Variants in PDXK observed in about 807,000 individuals in gnomAD.
The protein encoded by PDXK is epididymis secretory sperm binding protein Li 1a.
Under a neutral mutation model 43.2 loss-of-function variants are expected in PDXK, and 15 were observed. That is an observed-to-expected ratio of 0.35 (90% CI 0.23 to 0.53). PDXK has a LOEUF of 0.53. Among genes scored for constraint, PDXK ranks in the 20% least tolerant of loss-of-function variants. PDXK has a pLI of 0.92. For synonymous variants in PDXK, 172 were observed against 165.4 expected (o/e 1.04, Z -0.31); for missense variants, 343 against 417.0 (o/e 0.82, Z 1.54).
chr21:43,758,545 T>C lies in PDXK; in HGVS notation c.*2482T>C, dbSNP rs2083888209. On this transcript the variant is annotated 3_prime_UTR_variant, in exon 11 of 11. Transcript: ENST00000291565. The stretch of plus-strand genomic sequence containing the variant: ...TCCACGGCCCGTTTCCACCCGGGCA[T>C]GTTCGTCTCTCCTGACTTCGGCAGA... The C allele has an allele frequency of 1.3e-5, 2 of 153,600 alleles. No homozygotes were observed. The highest frequency in any genetic ancestry group is 4.8e-5 in the African/African-American group (2 of 41,420). The allele number at this position is 153,600 out of a possible 1,614,324, so 9.5% of individuals were successfully genotyped here. A position where few individuals can be genotyped will look rare whatever the true frequency, so the allele number is the denominator to read the frequency against.
chr21:43,751,414 T>C (rs1331869120), intron 7 of PDXK, among the ~76,000 whole-genome samples: 1 of 152,048 alleles, frequency 6.6e-6, no homozygotes, highest in Non-Finnish European at 1.5e-5. Context: ...CTGGGCATGG[T>C]GGTGCACGCC....
In PDXK at chr21:43,732,432, A is replaced by G. The variant is rs1025664161; in HGVS notation, c.88-1637A>G. The G allele has an allele frequency of 1.2e-6, 2 of 1,612,750 alleles. No individual in the cohort carries two copies. The highest frequency in any genetic ancestry group is 2.2e-5 in the East Asian group (1 of 44,874). On this transcript the variant is annotated intron_variant, in intron 1 of 10. Coordinates refer to ENST00000291565, the MANE Select transcript of PDXK (RefSeq NM_003681.5). This position sits in a 1 kb window ranked among gnomAD's most constrained non-coding sequence, Gnocchi z 4.1. Reference sequence around the variant, plus strand: ...GCTTGCGATGCTGATGAATAAGCTGATTTTGATGGGGTGTGTGAAACGGAG... The same window carrying G: ...GCTTGCGATGCTGATGAATAAGCTGGTTTTGATGGGGTGTGTGAAACGGAG...
intron 2 of PDXK, among the ~76,000 whole-genome samples, chr21:43,740,450 T>C (rs916628769): frequency 6.6e-6 from 1 of 152,062 alleles, no homozygotes; most frequent in African/African-American, 2.4e-5. Flanking sequence ...GAAAAAGGCA[T>C]GCATTAGAGG....
chr21:43,748,836 G>T (rs569304807), intron 5 of PDXK, among the ~76,000 whole-genome samples, 159 bp from the exon 6 acceptor site: 1 of 152,232 alleles, frequency 6.6e-6, no homozygotes, highest in African/African-American at 2.4e-5. Context: ...TGTCCCCGTG[G>T]TGGGAACAAC....
Position 43,732,070 on chromosome 21 carries a change from C to T in PDXK, c.88-1999C>T, listed in dbSNP as rs1192326340. On this transcript the variant is annotated intron_variant, in intron 1 of 10. Transcript: ENST00000291565. This position sits in a 1 kb window ranked among gnomAD's most constrained non-coding sequence, Gnocchi z 4.1. Reference sequence around the variant, plus strand: ...CTATGGGAAGGGACGGTCACTACCGCTGCCCCTGTGGGGAGAAGAGCCCCG... The same window carrying T: ...CTATGGGAAGGGACGGTCACTACCGTTGCCCCTGTGGGGAGAAGAGCCCCG... The T allele has an allele frequency of 5.1e-6, 5 of 977,396 alleles. No homozygotes were observed. The highest frequency in any genetic ancestry group is 6.5e-6 in the Non-Finnish European group (5 of 768,512). 60.5% of individuals were successfully genotyped at this position (977,396 alleles called of 1,614,324 possible).
rs373564479 is a variant in PDXK at position 43,732,412 on chromosome 21, C to A, written c.88-1657C>A. The A allele has an allele frequency of 5.6e-6, 9 of 1,612,744 alleles. 1 individual carries two copies. Among genetic ancestry groups the A allele is most frequent in the Admixed American group, 3.3e-5 (2 of 60,006 alleles). On this transcript the variant is annotated intron_variant, in intron 1 of 10. Coordinates refer to ENST00000291565, the MANE Select transcript of PDXK (RefSeq NM_003681.5). The surrounding 1 kb of genome is among the most constrained non-coding windows in gnomAD (Gnocchi z 4.1). ...CTCTGGAAGCGTCCAGACCAGCTTGCGATGCTGATGAATAAGCTGATTTTG... is the reference window on the plus strand; with the variant it reads ...CTCTGGAAGCGTCCAGACCAGCTTGAGATGCTGATGAATAAGCTGATTTTG...
rs2083366171 is a variant in PDXK at position 43,734,160 on chromosome 21, CTG to C, written c.142+40_142+41del. 6.3e-7 allele frequency: 1 copy of C among 1,589,188 alleles called. No homozygotes were observed. The highest frequency in any genetic ancestry group is 8.6e-7 in the Non-Finnish European group (1 of 1,159,232). On this transcript the variant is annotated intron_variant, in intron 2 of 10. Coordinates refer to ENST00000291565, the MANE Select transcript of PDXK (RefSeq NM_003681.5). The surrounding 1 kb of genome is among the most constrained non-coding windows in gnomAD (Gnocchi z 5.0). ...GCTCCAGCAGCTGGCATAGAGCAGA[CTG>C]TGGGTGTGAGGGACGGGGCGGAGTG...
Position 43,760,020 on chromosome 21 carries a change from C to A in PDXK, c.*3957C>A, listed in dbSNP as rs2083908292. 1 of 152,812 alleles carries A rather than the reference C, an allele frequency of 6.5e-6. No individual in the cohort carries two copies. The highest frequency in any genetic ancestry group is 6.6e-5 in the Admixed American group (1 of 15,186). The allele number at this position is 152,812 out of a possible 1,614,324, so 9.5% of individuals were successfully genotyped here. On this transcript the variant is annotated 3_prime_UTR_variant, in exon 11 of 11. Transcript: ENST00000291565. ...CCTGGCGGGTCTGGGTGGACACCGT[C>A]CCCACTCCGGACTCCCAGCACAGGG...
intron 9 of PDXK, 115 bp from the exon 10 acceptor site, chr21:43,755,583 G>C (rs1253807499): frequency 1.2e-5 from 11 of 885,364 alleles, no homozygotes; most frequent in East Asian, 4.8e-5. Context: ...CGGCTCCCCG[G>C]TGGCTCGGAG....
intron 1 of PDXK, among the ~76,000 whole-genome samples, chr21:43,722,268 G>C (rs1179773723): frequency 6.6e-6 from 1 of 152,188 alleles, no homozygotes; most frequent in African/African-American, 2.4e-5. Flanking sequence ...CCAGGGCTGG[G>C]AGGTTTGGCT....
chr21:43,731,024 A>G (rs918805790), intron 1 of PDXK, among the ~76,000 whole-genome samples: 7 of 152,064 alleles, frequency 4.6e-5, no homozygotes, highest in African/African-American at 1.7e-4. Context: ...TAGAGATGGA[A>G]TCTTGCTATG....
chr21:43,740,136 C>T (rs2083469982), intron 2 of PDXK, among the ~76,000 whole-genome samples: 1 of 152,082 alleles, frequency 6.6e-6, no homozygotes, highest in African/African-American at 2.4e-5. Flanking sequence ...GTGCACCCCC[C>T]AGATGCCGCA....
rs190786061 is a variant in PDXK, at chr21:43,756,318, G to A, written c.*255G>A. ...AAGGCTCCTGGGCCTCCGGGAAGACGGGCCCCTGTTTGCCATCTCGGGGGT... is the reference window on the plus strand; with the variant it reads ...AAGGCTCCTGGGCCTCCGGGAAGACAGGCCCCTGTTTGCCATCTCGGGGGT... On this transcript the variant is annotated 3_prime_UTR_variant, in exon 11 of 11. Coordinates refer to ENST00000291565, the MANE Select transcript of PDXK (RefSeq NM_003681.5). The A allele has an allele frequency of 3.2e-4, 119 of 374,048 alleles. 3 individuals are homozygous for A. In the Admixed American group the frequency reaches 3.5e-3, roughly 11 times the overall value. 23.2% of individuals were successfully genotyped at this position (374,048 alleles called of 1,614,324 possible).
At chr21:43,738,935 CTTTT>C (rs35979481) in intron 2 of PDXK, 2 of 137,920 alleles carry the variant, frequency 1.5e-5, no homozygotes, top group Admixed American at 7.4e-5. Context: ...TTTTCTTTTT[CTTTT>C]TTTTTTTTTT....
Position 43,732,396 on chromosome 21 carries a change from C to A in PDXK, c.88-1673C>A. On this transcript the variant is annotated intron_variant, in intron 1 of 10. Coordinates refer to ENST00000291565, the MANE Select transcript of PDXK (RefSeq NM_003681.5). This position sits in a 1 kb window ranked among gnomAD's most constrained non-coding sequence, Gnocchi z 4.1. ...AAGTTGGATGGGTAGACTCTGGAAG[C>A]GTCCAGACCAGCTTGCGATGCTGAT... The A allele has an allele frequency of 6.2e-7, 1 of 1,612,842 alleles. No individual in the cohort carries two copies. The highest frequency in any genetic ancestry group is 8.5e-7 in the Non-Finnish European group (1 of 1,179,856).
chr21:43,719,401 C>T lies in PDXK; in HGVS notation c.87+20C>T. On this transcript the variant is annotated intron_variant, in intron 1 of 10. Coordinates refer to ENST00000291565, the MANE Select transcript of PDXK (RefSeq NM_003681.5). ...CTGCAGGTACGCATCCGCCCGCAGCCCGGGCTTACGTAACCCGAGCCCGTG... is the reference window on the plus strand; with the variant it reads ...CTGCAGGTACGCATCCGCCCGCAGCTCGGGCTTACGTAACCCGAGCCCGTG... 3.3e-6 allele frequency: 5 copies of T among 1,516,030 alleles called. No homozygotes were observed. Among genetic ancestry groups the T allele is most frequent in the Non-Finnish European group, 4.4e-6 (5 of 1,131,390 alleles). 93.9% of individuals were successfully genotyped at this position (1,516,030 alleles called of 1,614,324 possible). A position where few individuals can be genotyped will look rare whatever the true frequency, so the allele number is the denominator to read the frequency against.
intron 1 of PDXK, among the ~76,000 whole-genome samples, chr21:43,724,559 A>G (rs1314667592): frequency 6.6e-6 from 1 of 151,970 alleles, no homozygotes; most frequent in African/African-American, 2.4e-5. Flanking sequence ...AGCATCCCCA[A>G]GCCCAGGTGC....
chr21:43,756,740 C>T lies in PDXK; in HGVS notation c.*677C>T, dbSNP rs17004606. 20,260 of 152,198 alleles carry T rather than the reference C, an allele frequency of 0.13. 1,573 individuals are homozygous for T. Among genetic ancestry groups the T allele is most frequent in the South Asian group, 0.22 (1,082 of 4,818 alleles). 9.4% of individuals were successfully genotyped at this position (152,198 alleles called of 1,614,324 possible). On this transcript the variant is annotated 3_prime_UTR_variant, in exon 11 of 11. Coordinates refer to ENST00000291565, the MANE Select transcript of PDXK (RefSeq NM_003681.5). Reference sequence around the variant, plus strand: ...AATTCAAGTCGGTCTGCAGACCTCTCAGCTACCCGCGGGACCTCTTGTAAC... The same window carrying T: ...AATTCAAGTCGGTCTGCAGACCTCTTAGCTACCCGCGGGACCTCTTGTAAC...
At position 43,762,073 on chromosome 21, in the gene PDXK, G is replaced by A. The variant is rs1245479992; in HGVS notation, c.*6010G>A. On this transcript the variant is annotated 3_prime_UTR_variant, in exon 11 of 11. Transcript: ENST00000291565. ...CGCTCCCTCCGTGGAATGGAGCTCA[G>A]CTCTTCGGAGGCATCAAAGCACCTG... 1.3e-5 allele frequency: 2 copies of A among 153,732 alleles called. No homozygotes were observed. The highest frequency in any genetic ancestry group is 4.8e-5 in the African/African-American group (2 of 41,470). 9.5% of individuals were successfully genotyped at this position (153,732 alleles called of 1,614,324 possible).
Sources: gnomAD v4.1 joint callset for allele counts (sites outside exome capture counted in the v4.1 genomes callset) on GRCh38, gnomAD v4.1.1 for gene constraint, Gnocchi (gnomAD v3.1) non-coding constraint, MANE v1.5 for transcripts, NCBI Gene and HGNC (gene_info 2026-07-23, HGNC 2026-07-21) for gene names.